CCDC3: variants seen among roughly 807,000 people sequenced by gnomAD.
CCDC3 encodes coiled-coil domain containing 3.
Under a neutral mutation model 21.4 loss-of-function variants are expected in CCDC3, and 24 were observed. That is an observed-to-expected ratio of 1.12 (90% CI 0.81 to 1.58). CCDC3 has a LOEUF of 1.58. Ranked by LOEUF, CCDC3 falls within the 40% of genes most tolerant of loss-of-function variation. The pLI is 0.00. For synonymous variants in CCDC3, 186 were observed against 166.0 expected (o/e 1.12, Z -0.93); for missense variants, 425 against 360.9 (o/e 1.18, Z -1.44).
chr10:12,974,584 T>C (rs1387154258), intron 2 of CCDC3, among the ~76,000 whole-genome samples: 1 of 152,216 alleles, frequency 6.6e-6, no homozygotes, highest in Non-Finnish European at 1.5e-5. Context: ...GTGGGGTAGG[T>C]GCTGGGAAGC....
intron 2 of CCDC3, among the ~76,000 whole-genome samples, chr10:12,900,388 A>G (rs1174527917): frequency 6.6e-6 from 1 of 151,906 alleles, no homozygotes; most frequent in Non-Finnish European, 1.5e-5. Context: ...AATCTCCATC[A>G]TTGAGCCGGG....
At chr10:13,095,322 C>A (rs529022154) in intron 3 of CCDC3, among the ~76,000 whole-genome samples, 2 of 152,246 alleles carry the variant, frequency 1.3e-5, no homozygotes, top group African/African-American at 4.8e-5. Flanking sequence ...ATGCAGCGAC[C>A]ACACCAGTGG....
At chr10:12,953,440 A>T (rs1332860199) in intron 2 of CCDC3, among the ~76,000 whole-genome samples, 1 of 152,246 alleles carries the variant, frequency 6.6e-6, no homozygotes, top group Non-Finnish European at 1.5e-5. Context: ...ATCTGTAGGG[A>T]TATACTGAGG....
intron 2 of CCDC3, among the ~76,000 whole-genome samples, chr10:12,967,047 G>C (rs978266183): frequency 6.6e-6 from 1 of 152,176 alleles, no homozygotes; most frequent in Non-Finnish European, 1.5e-5. Flanking sequence ...TTTCTAAGGA[G>C]TTGAACAAGC....
Position 12,904,496 on chromosome 10 carries a change from G to A in CCDC3, c.550-5817C>T, listed in dbSNP as rs918281478. On this transcript the variant is annotated intron_variant, in intron 2 of 2. Transcript: ENST00000378825. The stretch of plus-strand genomic sequence containing the variant: ...AAAAAAAAAAAAAAAAAAAAAGACT[G>A]GCTCAGGCTCACTAGTTATTAATCC... Among the ~76,000 whole-genome samples, 5 of 31,344 alleles carry A rather than the reference G, an allele frequency of 1.6e-4. No individual in the cohort carries two copies. In the East Asian group the frequency reaches 4.6e-3, roughly 29 times the overall value. The allele number at this position is 31,344 out of a possible 152,430, so 20.6% of individuals were successfully genotyped here. A position where few individuals can be genotyped will look rare whatever the true frequency, so the allele number is the denominator to read the frequency against.
At chr10:13,024,618 C>A (rs1836191971) in intron 5 of CCDC3, among the ~76,000 whole-genome samples, 1 of 152,164 alleles carries the variant, frequency 6.6e-6, no homozygotes. Context: ...TCAAACACAG[C>A]AAATTATAGC....
rs74120714 is a variant in CCDC3 at position 12,908,193 on chromosome 10, G to A, written c.550-9514C>T. On this transcript the variant is annotated intron_variant, in intron 2 of 2. Coordinates refer to ENST00000378825, the MANE Select transcript of CCDC3 (RefSeq NM_031455.4). ...CCAAAATGGAGTCTCCAGGACACTC[G>A]TCTCATTAGATGTTTACGTGGGGAC... is the stretch of plus-strand genomic sequence containing the variant. Among the ~76,000 whole-genome samples the A allele has an allele frequency of 2.9e-3, 439 of 152,280 alleles. 3 individuals carry two copies. Among genetic ancestry groups the A allele is most frequent in the African/African-American group, 9.9e-3 (413 of 41,554 alleles).
At chr10:13,043,014 A>G (rs963219396) in intron 5 of CCDC3, among the ~76,000 whole-genome samples, 6 of 152,160 alleles carry the variant, frequency 3.9e-5, no homozygotes, top group African/African-American at 1.4e-4. Flanking sequence ...CAGAAAGGAT[A>G]TAACTTCTGG....
intron 5 of CCDC3, among the ~76,000 whole-genome samples, chr10:13,030,580 C>A (rs535810409): frequency 8.1e-4 from 124 of 152,170 alleles, no homozygotes; most frequent in African/African-American, 2.9e-3. Context: ...CATCAGTGTG[C>A]TGGATTCAGG....
chr10:13,001,381 AG>A lies in CCDC3; in HGVS notation c.189del (p.Trp64GlyfsTer158). The part of the protein sequence containing the change: ...PEAPGLYNHL[P>X]WQYHAGQGGL... ...CCCCCCTGGCCGGCGTGGTACTGCCAGGGCAGGTGGTTGTAGAGGCCGGGCG... is the reference window on the plus strand; with the variant it reads ...CCCCCCTGGCCGGCGTGGTACTGCCAGGCAGGTGGTTGTAGAGGCCGGGCG... On this transcript the variant is annotated frameshift_variant, in exon 1 of 3. Transcript: ENST00000378825. LOFTEE classifies it high-confidence loss of function. 1 of 1,589,234 alleles carries A rather than the reference AG, an allele frequency of 6.3e-7. No individual in the cohort carries two copies. The highest frequency in any genetic ancestry group is 8.6e-7 in the Non-Finnish European group (1 of 1,168,986).
rs1254042159 is a variant in CCDC3 at position 12,998,422 on chromosome 10, A to G, written c.465T>C (p.Ser155=). ...AACAGTTTGAAAACTGGAAAAGGCT[A>G]GAAAACATCCTTCTGTTCTCTTGAG... The part of the protein sequence containing the change: ...PDTQENRRMF[S]SLFQFSNCSQ... Residue 155 remains serine (S), a synonymous_variant, in exon 2 of 3, where the codon TCT becomes TCC. Coordinates refer to ENST00000378825, the MANE Select transcript of CCDC3 (RefSeq NM_031455.4). 2.5e-6 allele frequency: 4 copies of G among 1,614,250 alleles called. No individual in the cohort carries two copies. In the South Asian group the frequency reaches 4.4e-5, roughly 18 times the overall value.
At chr10:13,013,054 T>A (rs141550877) in intron 5 of CCDC3, among the ~76,000 whole-genome samples, 84 of 152,330 alleles carry the variant, frequency 5.5e-4, no homozygotes, top group African/African-American at 1.9e-3. Context: ...CTGGTAAATT[T>A]ATCACATTTA....
At chr10:12,906,245 G>T (rs945141001) in intron 2 of CCDC3, among the ~76,000 whole-genome samples, 1 of 152,210 alleles carries the variant, frequency 6.6e-6, no homozygotes, top group Non-Finnish European at 1.5e-5. Context: ...GACAACCTGA[G>T]ATGACTGCAT....
intron 1 of CCDC3, 43 bp from the exon 2 acceptor site, chr10:12,998,555 AGG>A: frequency 6.4e-7 from 1 of 1,574,050 alleles, no homozygotes; most frequent in Non-Finnish European, 8.6e-7. Flanking sequence ...TAGACAGTCA[AGG>A]GTGTACCAGC....
At chr10:13,068,053 G>A (rs1836842873) in intron 4 of CCDC3, among the ~76,000 whole-genome samples, 1 of 151,950 alleles carries the variant, frequency 6.6e-6, no homozygotes, top group South Asian at 2.1e-4. Context: ...AACTCCTGGG[G>A]GCATGGGACT....
chr10:13,036,910 G>T (rs1836384734), intron 5 of CCDC3, among the ~76,000 whole-genome samples: 1 of 151,658 alleles, frequency 6.6e-6, no homozygotes, highest in Non-Finnish European at 1.5e-5. Flanking sequence ...ATCCAGCATA[G>T]CTAGGACTAC....
chr10:12,976,732 G>A (rs897232534), intron 2 of CCDC3, among the ~76,000 whole-genome samples: 1 of 152,140 alleles, frequency 6.6e-6, no homozygotes, highest in Non-Finnish European at 1.5e-5. Context: ...GAAGCACAGG[G>A]GATTCTTGGG....
chr10:13,015,708 C>T (rs529843479), intron 5 of CCDC3, among the ~76,000 whole-genome samples: 8 of 152,144 alleles, frequency 5.3e-5, no homozygotes, highest in African/African-American at 9.6e-5. Context: ...TAGAAACAGA[C>T]GTGACACAAT....
intron 2 of CCDC3, among the ~76,000 whole-genome samples, chr10:12,962,350 A>C (rs988084590): frequency 6.6e-5 from 10 of 152,222 alleles, no homozygotes; most frequent in Non-Finnish European, 1.5e-5. Flanking sequence ...CACGCCTGTA[A>C]TCCTAGCACT....
Sources: allele counts gnomAD v4.1 joint callset (sites outside exome capture counted in the v4.1 genomes callset), GRCh38; gene constraint gnomAD v4.1.1; transcripts MANE v1.5; gene names NCBI Gene and HGNC (gene_info 2026-07-23, HGNC 2026-07-21).